The following GRIN2A variants were observed in gnomAD, a reference collection of about 807,000 sequenced individuals.
The protein encoded by GRIN2A is glutamate receptor ionotropic, NMDA 2A.
GRIN2A carries 22 observed loss-of-function variants against 113.4 expected under a neutral mutation model. The observed-to-expected ratio is 0.19, with a 90% CI of 0.14 to 0.28. GRIN2A has a LOEUF of 0.28. Among genes scored for constraint, GRIN2A ranks in the 10% least tolerant of loss-of-function variants. The pLI is 1.00. For missense variants in GRIN2A, 1,502 were observed against 1,887.0 expected, an observed-to-expected ratio of 0.80 and a Z score of 3.78; for synonymous variants, 827 against 738.4, an observed-to-expected ratio of 1.12 and a Z score of -1.94.
intron 2 of GRIN2A, among the ~76,000 whole-genome samples, chr16:10,077,421 T>G (rs1023397876): frequency 2.0e-5 from 3 of 152,132 alleles, no homozygotes; most frequent in Non-Finnish European, 4.4e-5. Flanking sequence ...TTTCTCTCAT[T>G]CTGCACAAAT....
chr16:9,816,937 C>G (rs1014973688), intron 10 of GRIN2A, among the ~76,000 whole-genome samples: 3 of 152,194 alleles, frequency 2.0e-5, no homozygotes, highest in African/African-American at 7.2e-5. Context: ...CTTTGGTTCA[C>G]AGGAGTCCCA....
intron 2 of GRIN2A, among the ~76,000 whole-genome samples, chr16:10,062,142 T>C (rs566922386): frequency 6.6e-6 from 1 of 152,182 alleles, no homozygotes; most frequent in Admixed American, 6.5e-5. Flanking sequence ...TCTCCACTGA[T>C]GTACATACCT....
intron 7 of GRIN2A, among the ~76,000 whole-genome samples, chr16:9,839,119 C>T (rs1006801606): frequency 7.9e-5 from 12 of 152,146 alleles, no homozygotes; most frequent in Non-Finnish European, 2.9e-5. Flanking sequence ...TTTGTCTTAA[C>T]CTTCCCTAAT....
chr16:10,020,227 C>T (rs2046692920), intron 2 of GRIN2A, among the ~76,000 whole-genome samples: 1 of 152,110 alleles, frequency 6.6e-6, no homozygotes, highest in Admixed American at 6.5e-5. Context: ...GCCTGGCCAA[C>T]CTGGTAAAAC....
intron 2 of GRIN2A, among the ~76,000 whole-genome samples, chr16:10,074,647 TAC>T (rs1203025218): frequency 1.3e-5 from 2 of 152,212 alleles, no homozygotes; most frequent in Non-Finnish European, 2.9e-5. Flanking sequence ...CCATGTATTA[TAC>T]AATTCCATTT....
intron 3 of GRIN2A, among the ~76,000 whole-genome samples, chr16:9,894,085 C>A (rs1156388489): frequency 6.6e-6 from 1 of 152,118 alleles, no homozygotes; most frequent in East Asian, 1.9e-4. Context: ...CCCAGGGAAT[C>A]TTAATGGGTG....
intron 2 of GRIN2A, among the ~76,000 whole-genome samples, chr16:10,019,313 T>A (rs1450772259): frequency 6.6e-6 from 1 of 152,254 alleles, no homozygotes; most frequent in African/African-American, 2.4e-5. Context: ...CATTGTTTTA[T>A]AATTATCACT....
intron 11 of GRIN2A, among the ~76,000 whole-genome samples, chr16:9,797,925 T>C (rs1903100491): frequency 6.6e-6 from 1 of 152,114 alleles, no homozygotes; most frequent in Non-Finnish European, 1.5e-5. Flanking sequence ...AGGGACAAAA[T>C]TGCCCTTCAC....
chr16:10,178,228 C>CA (rs1489169196), intron 2 of GRIN2A, among the ~76,000 whole-genome samples: 2 of 152,176 alleles, frequency 1.3e-5, no homozygotes, highest in Non-Finnish European at 2.9e-5. Context: ...CCCTCCCATA[C>CA]AAAAGCCCTC....
In GRIN2A at chr16:9,763,859, T is replaced by A. The variant is rs747136651; in HGVS notation, c.3685A>T (p.Thr1229Ser). The A allele has an allele frequency of 5.5e-5, 89 of 1,613,990 alleles. No individual in the cohort carries two copies. The highest frequency in any genetic ancestry group is 7.4e-5 in the Non-Finnish European group (87 of 1,180,030). The stretch of plus-strand genomic sequence containing the variant: ...TCGCACTTGAAGGGGGACCTCATGG[T>A]GAAGTGGCCTGAATAGGTGGGCATG... ...SNMPTYSGHFTMRSPFKCDAC... is the reference protein window; with the variant it reads ...SNMPTYSGHFSMRSPFKCDAC... The change falls in exon 13 of 13, where the codon ACC becomes TCC. Residue 1229 changes from threonine to serine, a missense_variant. Thr to Ser is a moderately conservative substitution (Grantham distance 58, BLOSUM62 1). Coordinates refer to ENST00000330684, the MANE Select transcript of GRIN2A (RefSeq NM_001134407.3).
intron 2 of GRIN2A, among the ~76,000 whole-genome samples, chr16:9,948,718 C>G (rs2045088235): frequency 6.6e-6 from 1 of 152,286 alleles, no homozygotes; most frequent in East Asian, 1.9e-4. Flanking sequence ...GAGGGGCCAC[C>G]CTGGGGTGAA....
In GRIN2A at chr16:9,938,377, C is replaced by A. The variant is rs969690586; in HGVS notation, c.589G>T (p.Gly197Cys). ...VKTTVDNSFV[G>C]WDMQNVITLD... Reference sequence around the variant, plus strand: ...GTGATCACATTCTGCATGTCCCAGCCCACAAAGCTGTTGTCCACTGTGGTC... The same window carrying A: ...GTGATCACATTCTGCATGTCCCAGCACACAAAGCTGTTGTCCACTGTGGTC... Residue 197 changes from glycine to cysteine, a missense_variant, in exon 3 of 13, where the codon GGC becomes TGC. By Grantham distance (159) the Gly-to-Cys change is radical. Around this residue, in one of 7 missense-constraint regions of GRIN2A, gnomAD observed 334 missense variants for 403.0 expected, o/e 0.83. Coordinates refer to ENST00000330684, the MANE Select transcript of GRIN2A (RefSeq NM_001134407.3). 2 of 1,613,994 alleles carry A rather than the reference C, an allele frequency of 1.2e-6. No homozygotes were observed. Among genetic ancestry groups the A allele is most frequent in the Non-Finnish European group, 1.7e-6 (2 of 1,179,998 alleles).
At chr16:10,116,772 G>A (rs1377445855) in intron 2 of GRIN2A, among the ~76,000 whole-genome samples, 3 of 152,178 alleles carry the variant, frequency 2.0e-5, no homozygotes, top group Non-Finnish European at 2.9e-5. Context: ...GTCTCCCTGA[G>A]CAGCAAAGAA....
intron 8 of GRIN2A, among the ~76,000 whole-genome samples, chr16:9,833,159 A>G (rs57255286): frequency 0.025 from 3,830 of 152,304 alleles, 111 homozygotes; most frequent in East Asian, 0.16. Flanking sequence ...CATAACGTGT[A>G]TGACATAAAC....
chr16:9,807,231 G>T lies in GRIN2A; in HGVS notation c.2169-8767C>A, dbSNP rs562898457. Among the ~76,000 whole-genome samples, 206 of 82,110 alleles carry T rather than the reference G, an allele frequency of 2.5e-3. 1 individual carries two copies. The highest frequency in any genetic ancestry group is 1.0e-2 in the African/African-American group (192 of 19,288). 53.9% of individuals were successfully genotyped at this position (82,110 alleles called of 152,430 possible). A position where few individuals can be genotyped will look rare whatever the true frequency, so the allele number is the denominator to read the frequency against. On this transcript the variant is annotated intron_variant, in intron 10 of 12. Coordinates refer to ENST00000330684, the MANE Select transcript of GRIN2A (RefSeq NM_001134407.3). ...ATGGAGAGGGAGAGGGGGAAAAAGTGGGGGGAGAGAGGGAGGGAGGGGAGA... is the reference window on the plus strand; with the variant it reads ...ATGGAGAGGGAGAGGGGGAAAAAGTTGGGGGAGAGAGGGAGGGAGGGGAGA...
At chr16:9,795,969 C>G (rs1273637593) in intron 11 of GRIN2A, among the ~76,000 whole-genome samples, 1 of 152,180 alleles carries the variant, frequency 6.6e-6, no homozygotes, top group Non-Finnish European at 1.5e-5. Context: ...AGAAGCTTTG[C>G]CACTTACTAG....
In GRIN2A at chr16:9,762,294, G is replaced by A. The variant is rs911185539; in HGVS notation, c.*855C>T. 1.3e-5 allele frequency: 3 copies of A among 226,182 alleles called. No homozygotes were observed. Among genetic ancestry groups the A allele is most frequent in the East Asian group, 6.3e-5 (1 of 15,784 alleles). The allele number at this position is 226,182 out of a possible 1,614,324, so 14.0% of individuals were successfully genotyped here. Reference sequence around the variant, plus strand: ...CAAACTTACGTACATAGGCGTCTTCGGGATAAACTACAATGGCCACTGTGT... The same window carrying A: ...CAAACTTACGTACATAGGCGTCTTCAGGATAAACTACAATGGCCACTGTGT... On this transcript the variant is annotated 3_prime_UTR_variant, in exon 13 of 13. Coordinates refer to ENST00000330684, the MANE Select transcript of GRIN2A (RefSeq NM_001134407.3).
intron 2 of GRIN2A, among the ~76,000 whole-genome samples, chr16:10,008,574 C>A (rs2046446689): frequency 6.6e-6 from 1 of 152,158 alleles, no homozygotes; most frequent in African/African-American, 2.4e-5. Context: ...AATGTTTACC[C>A]AAAACAGCAA....
In GRIN2A at chr16:9,880,168, C is replaced by T. The variant is rs143357649; in HGVS notation, c.1122+10818G>A. Among the ~76,000 whole-genome samples, 154 of 152,180 alleles carry T rather than the reference C, an allele frequency of 1.0e-3. 2 individuals carry two copies. In the East Asian group the frequency reaches 0.028, roughly 28 times the overall value. ...CATATCTGGAGGATCTTGGAAGAAT[C>T]CACTTCCAAGCTCACTCAGATTGTT... On this transcript the variant is annotated intron_variant, in intron 4 of 12. Coordinates refer to ENST00000330684, the MANE Select transcript of GRIN2A (RefSeq NM_001134407.3).
Sources: gnomAD v4.1 joint callset for allele counts (sites outside exome capture counted in the v4.1 genomes callset) on GRCh38, gnomAD v4.1.1 for gene constraint, gnomAD v4.1.1 regional missense constraint, MANE v1.5 for transcripts, NCBI Gene and HGNC (gene_info 2026-07-23, HGNC 2026-07-21) for gene names.